TMEM132C: variants seen among roughly 807,000 people sequenced by gnomAD.
The protein encoded by TMEM132C is transmembrane protein 132C, also known as protein phosphatase 1, regulatory subunit 152.
TMEM132C carries 29 observed loss-of-function variants against 61.4 expected under a neutral mutation model. The observed-to-expected ratio is 0.47, with a 90% confidence interval of 0.35 to 0.64. The LOEUF (loss-of-function observed/expected upper bound fraction) is 0.64, where lower values mean the gene tolerates loss of function less well. Ranked by LOEUF, TMEM132C falls within the 30% of genes least tolerant of loss-of-function variation. TMEM132C has a pLI of 0.00. For missense variants in TMEM132C, 1,408 were observed against 1,476.9 expected, an observed-to-expected ratio of 0.95 and a Z score of 0.76; for synonymous variants, 656 against 633.1, an observed-to-expected ratio of 1.04 and a Z score of -0.54.
intron 1 of TMEM132C, among the ~76,000 whole-genome samples, chr12:128,303,969 C>G (rs1410256647): frequency 1.3e-5 from 2 of 151,952 alleles, no homozygotes; most frequent in African/African-American, 4.8e-5. Context: ...CATTCTTGAC[C>G]AACGAGACCC....
intron 6 of TMEM132C, 42 bp downstream of exon 6, chr12:128,694,076 A>T: frequency 6.5e-7 from 1 of 1,536,474 alleles, no homozygotes. Flanking sequence ...CAAAACAACA[A>T]CTTTATTTAC....
intron 1 of TMEM132C, among the ~76,000 whole-genome samples, chr12:128,327,155 G>C (rs1031888752): frequency 2.0e-5 from 3 of 150,048 alleles, no homozygotes; most frequent in Non-Finnish European, 4.4e-5. Flanking sequence ...TTCCTCATTA[G>C]CAGATTGCTT....
chr12:128,301,406 A>T (rs1228607240), intron 1 of TMEM132C, among the ~76,000 whole-genome samples: 1 of 152,162 alleles, frequency 6.6e-6, no homozygotes, highest in African/African-American at 2.4e-5. Context: ...TTTTACTTGT[A>T]TCTCAAAGAA....
chr12:128,584,135 T>C (rs1003181880), intron 3 of TMEM132C, among the ~76,000 whole-genome samples: 2 of 152,238 alleles, frequency 1.3e-5, no homozygotes, highest in African/African-American at 2.4e-5. Flanking sequence ...CTTGCTGGCA[T>C]TGGAGATATT....
chr12:128,535,790 C>G (rs1186664561), intron 2 of TMEM132C, among the ~76,000 whole-genome samples: 1 of 151,964 alleles, frequency 6.6e-6, no homozygotes, highest in Non-Finnish European at 1.5e-5. Flanking sequence ...ATGGCATGAA[C>G]CCGGGAGGCA....
intron 3 of TMEM132C, among the ~76,000 whole-genome samples, chr12:128,613,975 A>G (rs1257449177): frequency 1.3e-5 from 2 of 152,186 alleles, no homozygotes; most frequent in African/African-American, 2.4e-5. Flanking sequence ...GCCTTCCAGG[A>G]GATGGCAGCC....
In TMEM132C at chr12:128,559,044, C is replaced by G. The variant is rs117891896; in HGVS notation, c.1121+14941C>G. Among the ~76,000 whole-genome samples, 340 of 152,150 alleles carry G rather than the reference C, an allele frequency of 2.2e-3. 4 individuals are homozygous for G. Among genetic ancestry groups the G allele is most frequent in the Middle Eastern group, 0.01 (3 of 294 alleles). On this transcript the variant is annotated intron_variant, in intron 3 of 8. Coordinates refer to ENST00000435159, the MANE Select transcript of TMEM132C (RefSeq NM_001136103.3). ...CCCAGTGCAAGCCCCCAGAGGTGAT[C>G]AACATTTGCAGTTTAACACATACCT...
At chr12:128,601,277 C>T (rs561374776) in intron 3 of TMEM132C, among the ~76,000 whole-genome samples, 1 of 152,176 alleles carries the variant, frequency 6.6e-6, no homozygotes, top group African/African-American at 2.4e-5. Context: ...AAAATGAATA[C>T]CAACCTGACT....
rs202056541 is a variant in TMEM132C at position 128,281,653 on chromosome 12, T to TG, written c.85+14172dup. On this transcript the variant is annotated intron_variant, in intron 1 of 8. Coordinates refer to ENST00000435159, the MANE Select transcript of TMEM132C (RefSeq NM_001136103.3). Reference sequence around the variant, plus strand: ...TGGTTCTTGTATCTGCTGGATTCCATGGGGGGCTGACTAGTGGGGACATGG... The same window carrying TG: ...TGGTTCTTGTATCTGCTGGATTCCATGGGGGGGCTGACTAGTGGGGACATGG... 9.3e-3 allele frequency among the ~76,000 whole-genome samples: 1,415 copies of TG among 152,284 alleles called. 16 individuals are homozygous for TG. Among genetic ancestry groups the TG allele is most frequent in the South Asian group, 0.025 (121 of 4,822 alleles).
intron 3 of TMEM132C, among the ~76,000 whole-genome samples, chr12:128,576,294 G>A (rs1245954716): frequency 6.6e-6 from 1 of 152,066 alleles, no homozygotes; most frequent in Non-Finnish European, 1.5e-5. Flanking sequence ...GGAGTCAGTG[G>A]CCTCCCAGTA....
chr12:128,629,426 G>A (rs1425845628), intron 4 of TMEM132C, among the ~76,000 whole-genome samples: 2 of 152,086 alleles, frequency 1.3e-5, no homozygotes, highest in Non-Finnish European at 2.9e-5. Context: ...AGCCATGACT[G>A]TACCATTGTA....
chr12:128,584,376 T>G (rs573229070), intron 3 of TMEM132C, among the ~76,000 whole-genome samples: 1 of 152,206 alleles, frequency 6.6e-6, no homozygotes, highest in Admixed American at 6.5e-5. Context: ...TTCTGTCAGC[T>G]GGTAAAGTTA....
chr12:128,583,272 T>G (rs1875411551), intron 3 of TMEM132C, among the ~76,000 whole-genome samples: 1 of 146,174 alleles, frequency 6.8e-6, no homozygotes, highest in Non-Finnish European at 1.5e-5. Context: ...TGTGCCAACA[T>G]CGTACACTAT....
At position 128,586,238 on chromosome 12, in the gene TMEM132C, C is replaced by T. The variant is rs995443058; in HGVS notation, c.1122-29914C>T. ...AAAGTCTGCCACTGCATGCATGGGT[C>T]CCATTTAAAATGTCTATTTTAAGTG... On this transcript the variant is annotated intron_variant, in intron 3 of 8. Transcript: ENST00000435159. 3.3e-5 allele frequency among the ~76,000 whole-genome samples: 5 copies of T among 151,874 alleles called. No homozygotes were observed. In the East Asian group the frequency reaches 9.7e-4, roughly 29 times the overall value.
intron 2 of TMEM132C, among the ~76,000 whole-genome samples, chr12:128,516,276 A>T (rs1430282448): frequency 1.3e-5 from 2 of 152,148 alleles, no homozygotes; most frequent in African/African-American, 4.8e-5. Context: ...GGCTGGATAA[A>T]CCTGTGGAAC....
rs1874844668 is a variant in TMEM132C at position 128,570,624 on chromosome 12, C to T, written c.1121+26521C>T. 6.6e-6 allele frequency among the ~76,000 whole-genome samples: 1 copy of T among 152,098 alleles called. No individual in the cohort carries two copies. The highest frequency in any genetic ancestry group is 2.4e-5 in the African/African-American group (1 of 41,408). ...GGCTGGCTCAGTGTCTCCACAACGCCAGGGGACCCAGGCTCCTTTTCTCTT... is the reference window on the plus strand; with the variant it reads ...GGCTGGCTCAGTGTCTCCACAACGCTAGGGGACCCAGGCTCCTTTTCTCTT... On this transcript the variant is annotated intron_variant, in intron 3 of 8. Transcript: ENST00000435159. The surrounding 1 kb of genome is among the most constrained non-coding windows in gnomAD (Gnocchi z 4.7).
chr12:128,486,394 C>T (rs185695221), intron 2 of TMEM132C, among the ~76,000 whole-genome samples: 5 of 152,132 alleles, frequency 3.3e-5, no homozygotes, highest in Admixed American at 2.6e-4. Context: ...TAAGGGAACA[C>T]ACAAAACTGG....
At chr12:128,629,205 G>A (rs1954045082) in intron 4 of TMEM132C, among the ~76,000 whole-genome samples, 1 of 152,092 alleles carries the variant, frequency 6.6e-6, no homozygotes, top group African/African-American at 2.4e-5. Flanking sequence ...TTCAGCCTTT[G>A]TTAATCTTAA....
chr12:128,406,765 T>A (rs922822381), intron 1 of TMEM132C, among the ~76,000 whole-genome samples: 1 of 152,198 alleles, frequency 6.6e-6, no homozygotes, highest in African/African-American at 2.4e-5. Flanking sequence ...CTGAACACTT[T>A]GTAGGCATCA....
Sources: allele counts gnomAD v4.1 joint callset (sites outside exome capture counted in the v4.1 genomes callset), GRCh38; gene constraint gnomAD v4.1.1; non-coding constraint Gnocchi (gnomAD v3.1); transcripts MANE v1.5; gene names NCBI Gene and HGNC (gene_info 2026-07-23, HGNC 2026-07-21).